Variants in PLS1 observed in about 807,000 individuals in gnomAD.
The protein encoded by PLS1 is plastin 1, also known as plastin-1.
Under a neutral mutation model 73.7 loss-of-function variants are expected in PLS1, and 32 were observed. The ratio of observed to expected loss-of-function variants is 0.43; its 90% CI spans 0.33 to 0.58. The LOEUF (loss-of-function observed/expected upper bound fraction) is 0.58, where lower values mean the gene tolerates loss of function less well. Among genes scored for constraint, PLS1 ranks in the 20% least tolerant of loss-of-function variants. PLS1 has a pLI of 0.04. For synonymous variants in PLS1, 217 were observed against 261.3 expected (o/e 0.83, Z 1.63); for missense variants, 633 against 740.5 (o/e 0.85, Z 1.68).
At chr3:142,677,989 T>A in intron 5 of PLS1, 43 bp from the exon 6 acceptor site, 1 of 932,616 alleles carries the variant, frequency 1.1e-6, no homozygotes, top group Middle Eastern at 2.4e-4. Flanking sequence ...ACTAAAAAAA[T>A]TTCTTGGAGT....
chr3:142,621,895 G>A (rs757142850), intron 1 of PLS1, among the ~76,000 whole-genome samples: 3 of 152,176 alleles, frequency 2.0e-5, no homozygotes, highest in African/African-American at 7.2e-5. Flanking sequence ...ACAGCCATCC[G>A]TAAGTGGTCT....
At chr3:142,605,356 A>G (rs1178144460) in intron 1 of PLS1, among the ~76,000 whole-genome samples, 1 of 152,228 alleles carries the variant, frequency 6.6e-6, no homozygotes, top group African/African-American at 2.4e-5. Flanking sequence ...TTATAATTTC[A>G]ACATTTGAAA....
intron 1 of PLS1, among the ~76,000 whole-genome samples, chr3:142,631,672 A>C (rs1002746052): frequency 4.0e-5 from 6 of 149,804 alleles, no homozygotes; most frequent in Admixed American, 4.0e-4. Flanking sequence ...TAGAAAAAAA[A>C]AAAAAAAAAA....
chr3:142,608,922 C>T (rs1469420119), intron 1 of PLS1, among the ~76,000 whole-genome samples: 1 of 152,176 alleles, frequency 6.6e-6, no homozygotes, highest in African/African-American at 2.4e-5. Context: ...GTATGTTTGC[C>T]AGCAGTTACA....
chr3:142,614,256 AT>A (rs1387337265), intron 1 of PLS1, among the ~76,000 whole-genome samples: 8 of 152,230 alleles, frequency 5.3e-5, no homozygotes, highest in Non-Finnish European at 2.9e-5. Context: ...ATACCATATA[AT>A]TTCAGCTCAG....
At chr3:142,650,028 C>T (rs765560610) in intron 1 of PLS1, among the ~76,000 whole-genome samples, 1 of 151,932 alleles carries the variant, frequency 6.6e-6, no homozygotes. Context: ...TTCGTTTAGA[C>T]ACTTGTTGCT....
At chr3:142,651,262 C>A (rs2037081894) in intron 1 of PLS1, among the ~76,000 whole-genome samples, 1 of 151,794 alleles carries the variant, frequency 6.6e-6, no homozygotes, top group South Asian at 2.1e-4. Flanking sequence ...GAGTTCGAGA[C>A]CAGCCTGGCC....
At chr3:142,674,857 G>A (rs759403769) in intron 4 of PLS1, among the ~76,000 whole-genome samples, 5 of 152,102 alleles carry the variant, frequency 3.3e-5, no homozygotes, top group Admixed American at 6.5e-5. Context: ...AGCCTCCAGA[G>A]TAGCTGGGAT....
intron 11 of PLS1, among the ~76,000 whole-genome samples, 157 bp downstream of exon 11, chr3:142,694,704 TA>T (rs2038157256): frequency 6.6e-6 from 1 of 152,226 alleles, no homozygotes; most frequent in Admixed American, 6.5e-5. Context: ...CAATGGATTT[TA>T]AAAGAAAGCT....
At chr3:142,664,136 C>A in intron 1 of PLS1, 66 bp from the exon 2 acceptor site, 1 of 653,932 alleles carries the variant, frequency 1.5e-6, no homozygotes, top group Non-Finnish European at 2.7e-6. Flanking sequence ...TTCCTCTGTA[C>A]CTTATATTGC....
intron 4 of PLS1, among the ~76,000 whole-genome samples, chr3:142,675,382 T>G (rs186474172): frequency 7.0e-5 from 10 of 142,992 alleles, no homozygotes; most frequent in African/African-American, 2.4e-4. Context: ...TTTTTTTGTT[T>G]GTTTTTTGTT....
At chr3:142,613,403 G>A (rs2036158035) in intron 1 of PLS1, among the ~76,000 whole-genome samples, 1 of 151,996 alleles carries the variant, frequency 6.6e-6, no homozygotes, top group African/African-American at 2.4e-5. Context: ...CTTGAACCTG[G>A]GAGGTGGAGG....
At chr3:142,630,418 C>A in intron 1 of PLS1, among the ~76,000 whole-genome samples, 1 of 47,040 alleles carries the variant, frequency 2.1e-5, no homozygotes, top group African/African-American at 1.2e-4. Context: ...GAGACCCTGC[C>A]TCAAAAAAAA....
chr3:142,656,297 T>C (rs114575272), intron 1 of PLS1, among the ~76,000 whole-genome samples: 1 of 152,334 alleles, frequency 6.6e-6, no homozygotes, highest in African/African-American at 2.4e-5. Context: ...TAGCTGTCCC[T>C]TGTGAATGAA....
At chr3:142,601,336 A>G (rs931771066) in intron 1 of PLS1, among the ~76,000 whole-genome samples, 1 of 152,018 alleles carries the variant, frequency 6.6e-6, no homozygotes, top group South Asian at 2.1e-4. Flanking sequence ...TAAATGTCCA[A>G]ATATTAAATC....
intron 5 of PLS1, among the ~76,000 whole-genome samples, chr3:142,676,912 T>C (rs1197116266): frequency 6.6e-6 from 1 of 152,188 alleles, no homozygotes; most frequent in Non-Finnish European, 1.5e-5. Flanking sequence ...AAATGACTTA[T>C]TAATATTCTA....
intron 1 of PLS1, among the ~76,000 whole-genome samples, chr3:142,661,459 A>G (rs1373567554): frequency 6.6e-6 from 1 of 152,240 alleles, no homozygotes; most frequent in Non-Finnish European, 1.5e-5. Flanking sequence ...TGTAAGAGAT[A>G]GAAATCTGTG....
At chr3:142,600,876 TCATA>T (rs2035900236) in intron 1 of PLS1, among the ~76,000 whole-genome samples, 4 of 65,486 alleles carry the variant, frequency 6.1e-5, no homozygotes, top group African/African-American at 2.0e-4. Flanking sequence ...TGGCCTGGTT[TCATA>T]TATATATATA....
chr3:142,625,505 C>T (rs1338706290), intron 1 of PLS1, among the ~76,000 whole-genome samples: 1 of 152,216 alleles, frequency 6.6e-6, no homozygotes, highest in East Asian at 1.9e-4. Context: ...CGAGATGCTT[C>T]TCCTTTTCAA....
Sources: allele counts gnomAD v4.1 joint callset (sites outside exome capture counted in the v4.1 genomes callset), GRCh38; gene constraint gnomAD v4.1.1; transcripts MANE v1.5; gene names NCBI Gene and HGNC (gene_info 2026-07-23, HGNC 2026-07-21).